The following EEFSEC variants were observed in gnomAD, a reference collection of about 807,000 sequenced individuals.
EEFSEC encodes the protein eukaryotic elongation factor, selenocysteine-tRNA specific.
A neutral mutation model predicts 42.1 loss-of-function variants in EEFSEC; 43 were observed. That is an observed-to-expected ratio of 1.02 (90% CI 0.80 to 1.32). The LOEUF is 1.32. EEFSEC is among the 40% of genes most tolerant of loss of function. The pLI, the probability that EEFSEC is intolerant of heterozygous loss-of-function variation, is 0.00. For synonymous variants in EEFSEC, 354 were observed against 339.1 expected, an observed-to-expected ratio of 1.04 and a Z score of -0.48; for missense variants, 745 against 803.6, an observed-to-expected ratio of 0.93 and a Z score of 0.88.
In EEFSEC at chr3:128,153,700, C is replaced by T; in HGVS notation, c.193C>T (p.Arg65Trp). Residue 65 changes from arginine (R) to tryptophan (W), a missense_variant, in exon 1 of 7, where the codon CGG becomes TGG. Arg to Trp is a moderately radical substitution (Grantham distance 101). Transcript: ENST00000254730. ...CFSVPLPARL[R>W]SSLPEFQAAP... ...CTCGGTGCCGCTGCCCGCGCGCCTG[C>T]GGTCGTCTTTGCCCGAGTTCCAGGC... 6.3e-7 allele frequency: 1 copy of T among 1,587,856 alleles called. No homozygotes were observed. The highest frequency in any genetic ancestry group is 2.3e-5 in the East Asian group (1 of 43,978).
intron 4 of EEFSEC, among the ~76,000 whole-genome samples, chr3:128,307,307 G>A (rs1407614379): frequency 6.6e-6 from 1 of 152,244 alleles, no homozygotes; most frequent in Non-Finnish European, 1.5e-5. Flanking sequence ...CATGTTCCCT[G>A]GGGCCCAGAC....
downstream of EEFSEC, among the ~76,000 whole-genome samples, chr3:128,409,242 C>T (rs1178620002): frequency 2.6e-5 from 4 of 152,228 alleles, no homozygotes; most frequent in Admixed American, 2.0e-4. Flanking sequence ...CAGACAGACG[C>T]AGAGGCCTCC....
intron 1 of EEFSEC, among the ~76,000 whole-genome samples, chr3:128,219,698 T>G (rs748379365): frequency 1.3e-5 from 2 of 151,964 alleles, no homozygotes; most frequent in Non-Finnish European, 2.9e-5. Flanking sequence ...GTAAACTCCA[T>G]GAGGACAGGG....
intron 1 of EEFSEC, among the ~76,000 whole-genome samples, chr3:128,207,626 G>A (rs200471146): frequency 6.7e-6 from 1 of 149,616 alleles, no homozygotes; most frequent in Non-Finnish European, 1.5e-5. Context: ...TAAGGATAAC[G>A]TAAACTAGAC....
chr3:128,323,920 C>T (rs529053894), intron 4 of EEFSEC, among the ~76,000 whole-genome samples: 36 of 152,242 alleles, frequency 2.4e-4, no homozygotes, highest in African/African-American at 8.4e-4. Context: ...TGAGTCTGAG[C>T]GCCTCCCCCC....
intron 1 of EEFSEC, among the ~76,000 whole-genome samples, chr3:128,189,032 A>C (rs1483795465): frequency 1.3e-5 from 2 of 151,988 alleles, no homozygotes; most frequent in Non-Finnish European, 2.9e-5. Context: ...GTACCTTTAC[A>C]TGGGGGGGGC....
Position 128,153,634 on chromosome 3 carries a change from C to G in EEFSEC, c.127C>G (p.Arg43Gly). 6.3e-7 allele frequency: 1 copy of G among 1,598,102 alleles called. No individual in the cohort carries two copies. The highest frequency in any genetic ancestry group is 8.5e-7 in the Non-Finnish European group (1 of 1,177,814). Residue 43 changes from arginine (R) to glycine (G), a missense_variant, in exon 1 of 7, where the codon CGC becomes GGC. Physicochemically the swap from Arg to Gly is moderately radical, Grantham distance 125. Transcript: ENST00000254730. ...CGCCTTTGACAAGCAGCCGCAGAGC[C>G]GCGAGCGCGGCATCACGCTCGATCT... Reference protein sequence around the residue: ...TAAFDKQPQSRERGITLDLGF... With the variant: ...TAAFDKQPQSGERGITLDLGF...
chr3:128,255,042 A>G (rs28664962), intron 2 of EEFSEC, among the ~76,000 whole-genome samples: 10,963 of 152,260 alleles, frequency 0.072, 1,043 homozygotes, highest in East Asian at 0.37. Flanking sequence ...ATGCCATCCC[A>G]TATCAGAGGC....
intron 1 of EEFSEC, among the ~76,000 whole-genome samples, chr3:128,159,184 A>G (rs547983860): frequency 1.3e-5 from 2 of 152,236 alleles, no homozygotes; most frequent in Non-Finnish European, 2.9e-5. Flanking sequence ...ACTTGCATCT[A>G]TGCAATACCA....
intron 1 of EEFSEC, among the ~76,000 whole-genome samples, chr3:128,198,550 A>G (rs2065610590): frequency 6.6e-6 from 1 of 152,198 alleles, no homozygotes; most frequent in Non-Finnish European, 1.5e-5. Context: ...CCAGCCAGAG[A>G]ATGCTGGATG....
At chr3:128,242,114 C>T (rs965457266) in intron 1 of EEFSEC, among the ~76,000 whole-genome samples, 3 of 152,046 alleles carry the variant, frequency 2.0e-5, no homozygotes, top group Admixed American at 6.5e-5. Flanking sequence ...GCCAGGAGTT[C>T]GAGACCAGCC....
downstream of EEFSEC, among the ~76,000 whole-genome samples, chr3:128,410,874 G>A (rs1332178900): frequency 6.6e-6 from 1 of 152,174 alleles, no homozygotes; most frequent in African/African-American, 2.4e-5. Flanking sequence ...TCTGAAGACC[G>A]TGCTCCTCAA....
chr3:128,401,166 C>T (rs543681072), intron 6 of EEFSEC, among the ~76,000 whole-genome samples: 1 of 152,300 alleles, frequency 6.6e-6, no homozygotes, highest in East Asian at 1.9e-4. Flanking sequence ...GACCAGGGGG[C>T]CAGGTCAGCC....
Position 128,159,439 on chromosome 3 carries a change from CT to C in EEFSEC, c.316+5617del, listed in dbSNP as rs577372454. On this transcript the variant is annotated intron_variant, in intron 1 of 6. Coordinates refer to ENST00000254730, the MANE Select transcript of EEFSEC (RefSeq NM_021937.5). ...TGCCCCCTGCCTGCTTATTCTCCTCCTCCCTCTGATTCATTCTCTGCACAGT... is the reference window on the plus strand; with the variant it reads ...TGCCCCCTGCCTGCTTATTCTCCTCCCCCTCTGATTCATTCTCTGCACAGT... Among the ~76,000 whole-genome samples the C allele has an allele frequency of 1.2e-3, 185 of 152,384 alleles. 3 individuals carry two copies. The highest frequency in any genetic ancestry group is 4.2e-3 in the African/African-American group (173 of 41,598).
intron 5 of EEFSEC, among the ~76,000 whole-genome samples, chr3:128,352,212 C>T (rs958000556): frequency 6.6e-6 from 1 of 152,226 alleles, no homozygotes; most frequent in Middle Eastern, 3.2e-3. Flanking sequence ...GACCCCTGGT[C>T]TTCCTGAAGT....
At chr3:128,360,411 G>A (rs1315667488) in intron 6 of EEFSEC, among the ~76,000 whole-genome samples, 3 of 152,222 alleles carry the variant, frequency 2.0e-5, no homozygotes. Context: ...TCTTCCAGCT[G>A]GGTCGGGGGC....
chr3:128,409,200 A>G (rs2068156769), downstream of EEFSEC, among the ~76,000 whole-genome samples: 1 of 152,356 alleles, frequency 6.6e-6, no homozygotes, highest in South Asian at 2.1e-4. Context: ...TGCAGGATGA[A>G]CAGATGTTCA....
intron 6 of EEFSEC, among the ~76,000 whole-genome samples, chr3:128,397,849 A>G (rs555851848): frequency 2.0e-5 from 3 of 152,354 alleles, no homozygotes; most frequent in East Asian, 1.9e-4. Flanking sequence ...AGGCCTCCCT[A>G]CTGATTCCTC....
intron 4 of EEFSEC, among the ~76,000 whole-genome samples, chr3:128,295,542 T>C (rs926301765): frequency 1.3e-5 from 2 of 149,962 alleles, no homozygotes; most frequent in Non-Finnish European, 3.0e-5. Context: ...TTCATTGCCA[T>C]TGGTTTGTTT....
Sources: gnomAD v4.1 joint callset for allele counts (sites outside exome capture counted in the v4.1 genomes callset) on GRCh38, gnomAD v4.1.1 for gene constraint, MANE v1.5 for transcripts, NCBI Gene and HGNC (gene_info 2026-07-23, HGNC 2026-07-21) for gene names.